ANKRD18A: variants seen among roughly 807,000 people sequenced by gnomAD.
The protein encoded by ANKRD18A is ankyrin repeat domain-containing protein 18A.
A neutral mutation model predicts 110.6 loss-of-function variants in ANKRD18A; 72 were observed. The ratio of observed to expected loss-of-function variants is 0.65; its 90% confidence interval spans 0.54 to 0.79. The LOEUF (loss-of-function observed/expected upper bound fraction) is 0.79, where lower values mean the gene tolerates loss of function less well. Ranked by LOEUF, ANKRD18A falls within the 30% of genes least tolerant of loss-of-function variation. The probability of loss-of-function intolerance (pLI) is 0.00; values close to 1 mark genes in which losing one functional copy is unlikely to be tolerated. For synonymous variants in ANKRD18A, 305 were observed against 410.3 expected, an observed-to-expected ratio of 0.74 and a Z score of 3.10; for missense variants, 934 against 1,163.3, an observed-to-expected ratio of 0.80 and a Z score of 2.87.
chr9:38,611,377 A>T, intron 3 of ANKRD18A, 56 bp from the exon 4 acceptor site: 1 of 1,498,814 alleles, frequency 6.7e-7, no homozygotes, highest in South Asian at 1.3e-5. Flanking sequence ...TCTCCACTGA[A>T]CTAAAAATCT....
chr9:38,609,480 C>A (rs3005828), intron 5 of ANKRD18A, among the ~76,000 whole-genome samples: 13,734 of 151,262 alleles, frequency 0.091, 967 homozygotes, highest in African/African-American at 0.2. Flanking sequence ...GACTCCGTCT[C>A]GAAAAAAACA....
chr9:38,595,276 G>A (rs1233445510), intron 9 of ANKRD18A, among the ~76,000 whole-genome samples: 5 of 151,926 alleles, frequency 3.3e-5, no homozygotes, highest in Admixed American at 1.3e-4. Context: ...TAGCAGTCAC[G>A]ACCCGCTTCC....
intron 12 of ANKRD18A, among the ~76,000 whole-genome samples, chr9:38,584,138 C>A (rs1429429897): frequency 6.6e-6 from 1 of 152,198 alleles, no homozygotes; most frequent in Non-Finnish European, 1.5e-5. Context: ...GAGAGCTTCC[C>A]TTTCACTTAA....
intron 1 of ANKRD18A, among the ~76,000 whole-genome samples, chr9:38,618,585 T>C (rs1825950831): frequency 6.6e-6 from 1 of 152,202 alleles, no homozygotes; most frequent in Admixed American, 6.5e-5. Context: ...GTGGTAATTA[T>C]CTCCAAATTA....
intron 1 of ANKRD18A, among the ~76,000 whole-genome samples, chr9:38,617,532 A>G (rs1039049726): frequency 7.9e-5 from 12 of 152,202 alleles, no homozygotes; most frequent in African/African-American, 2.7e-4. Flanking sequence ...TTTAGTCAAC[A>G]CTTAGATTTA....
chr9:38,585,888 T>A (rs981737777), intron 12 of ANKRD18A, among the ~76,000 whole-genome samples: 1 of 152,170 alleles, frequency 6.6e-6, no homozygotes, highest in African/African-American at 2.4e-5. Context: ...GCTGTTATCC[T>A]CAGCACACTA....
chr9:38,593,443 G>C (rs1392477638), intron 10 of ANKRD18A, among the ~76,000 whole-genome samples: 1 of 152,156 alleles, frequency 6.6e-6, no homozygotes, highest in African/African-American at 2.4e-5. Flanking sequence ...AATCTGGCTT[G>C]CCTCACCAAG....
At chr9:38,590,914 G>A (rs1014113146) in intron 10 of ANKRD18A, among the ~76,000 whole-genome samples, 1 of 152,136 alleles carries the variant, frequency 6.6e-6, no homozygotes, top group African/African-American at 2.4e-5. Context: ...CATCAAAGCG[G>A]CTAATAATTC....
downstream of ANKRD18A, chr9:38,568,674 T>C (rs1266161782): frequency 5.3e-6 from 5 of 947,434 alleles, no homozygotes; most frequent in East Asian, 3.5e-4. Flanking sequence ...TTGCCTGGCA[T>C]GCACAGGTCC....
At chr9:38,569,633 C>T (rs1402321621), downstream of ANKRD18A, among the ~76,000 whole-genome samples, 1 of 152,144 alleles carries the variant, frequency 6.6e-6, no homozygotes, top group Non-Finnish European at 1.5e-5. Flanking sequence ...GACATGTGTG[C>T]ATGCATTGTG....
intron 3 of ANKRD18A, among the ~76,000 whole-genome samples, chr9:38,614,357 A>T (rs1167769125): frequency 6.6e-6 from 1 of 151,356 alleles, no homozygotes; most frequent in Non-Finnish European, 1.5e-5. Context: ...TGCCCGCCTC[A>T]GGCTGGACTT....
intron 12 of ANKRD18A, among the ~76,000 whole-genome samples, chr9:38,581,503 A>C (rs1006310072): frequency 1.1e-4 from 17 of 152,198 alleles, no homozygotes; most frequent in Non-Finnish European, 2.4e-4. Context: ...AAAATTCTAA[A>C]AGAAGAAGCT....
intron 10 of ANKRD18A, among the ~76,000 whole-genome samples, chr9:38,589,854 C>T (rs1489022524): frequency 4.6e-5 from 7 of 152,194 alleles, no homozygotes; most frequent in African/African-American, 2.4e-5. Context: ...TTTAAATTCT[C>T]TCAGAACTCC....
intron 1 of ANKRD18A, among the ~76,000 whole-genome samples, chr9:38,619,562 C>A (rs1825998867): frequency 1.3e-5 from 2 of 152,120 alleles, no homozygotes; most frequent in South Asian, 4.1e-4. Flanking sequence ...AAGTGTCATG[C>A]AAAAATGATA....
chr9:38,595,342 T>C, intron 9 of ANKRD18A, 144 bp downstream of exon 9: 1 of 880,784 alleles, frequency 1.1e-6, no homozygotes, highest in Non-Finnish European at 1.6e-6. Flanking sequence ...ATGTATTTCC[T>C]GGATGATTCA....
At chr9:38,569,212 C>T, downstream of ANKRD18A, 1 of 982,040 alleles carries the variant, frequency 1.0e-6, no homozygotes. Context: ...TCCTGGTGGT[C>T]CTGGGGGTGT....
At chr9:38,591,634 T>C (rs1824653445) in intron 10 of ANKRD18A, among the ~76,000 whole-genome samples, 1 of 152,188 alleles carries the variant, frequency 6.6e-6, no homozygotes, top group African/African-American at 2.4e-5. Flanking sequence ...GTTAGGGAGG[T>C]GGCATTCCAA....
intron 8 of ANKRD18A, among the ~76,000 whole-genome samples, chr9:38,598,536 T>A (rs1018973332): frequency 1.3e-4 from 20 of 152,198 alleles, no homozygotes; most frequent in African/African-American, 4.6e-4. Flanking sequence ...TAGTTGAACT[T>A]TTTTTCTTCA....
In ANKRD18A at chr9:38,577,231, A is replaced by G. The variant is rs377549082; in HGVS notation, c.2563T>C (p.Leu855=). Residue 855 remains leucine, a synonymous_variant, in exon 14 of 16, where the codon TTA becomes CTA. Transcript: ENST00000399703. ...AGTGAAGCCGTATTATCCTTGTTTA[A>G]CTGCTCTAATTGTTTTTCATATTCT... is the stretch of plus-strand genomic sequence containing the variant. ...QAEYEKQLEQ[L]NKDNTASLKK... 3.2e-6 allele frequency: 5 copies of G among 1,539,876 alleles called. No homozygotes were observed. The highest frequency in any genetic ancestry group is 4.9e-5 in the East Asian group (2 of 40,732).
Sources: allele counts gnomAD v4.1 joint callset (sites outside exome capture counted in the v4.1 genomes callset), GRCh38; gene constraint gnomAD v4.1.1; transcripts MANE v1.5; gene names NCBI Gene and HGNC (gene_info 2026-07-23, HGNC 2026-07-21).